Variants in MTUS1 observed in about 807,000 individuals in gnomAD.
MTUS1 encodes the protein microtubule-associated tumor suppressor 1.
In MTUS1, 109 loss-of-function variants were observed where a neutral mutation model predicts 120.8. The ratio of observed to expected loss-of-function variants is 0.90; its 90% CI spans 0.77 to 1.06. The LOEUF (loss-of-function observed/expected upper bound fraction) is 1.06, where lower values mean the gene tolerates loss of function less well. MTUS1 is among the 50% of genes least tolerant of loss of function. MTUS1 has a pLI of 0.00. For synonymous variants in MTUS1, 737 were observed against 550.5 expected (o/e 1.34, Z -4.74); for missense variants, 2,210 against 1,486.3 (o/e 1.49, Z -8.01).
chr8:17,691,040 A>G (rs1816841925), intron 6 of MTUS1, among the ~76,000 whole-genome samples: 1 of 152,228 alleles, frequency 6.6e-6, no homozygotes, highest in Non-Finnish European at 1.5e-5. Context: ...TAACCAGAAT[A>G]AATTGTTCTA....
Position 17,715,864 on chromosome 8 carries a change from A to G in MTUS1, c.2487T>C (p.Pro829=). The G allele has an allele frequency of 4.3e-6, 7 of 1,613,938 alleles. No homozygotes were observed. The highest frequency in any genetic ancestry group is 5.9e-6 in the Non-Finnish European group (7 of 1,179,932). The change falls in exon 5 of 15, where the codon CCT becomes CCC. Residue 829 remains proline (P), a synonymous_variant. Coordinates refer to ENST00000693296, the MANE Select transcript of MTUS1 (RefSeq NM_001363059.2). ...NAAVIKYEEK[P]PKPAFQNGSS... is the part of the protein sequence containing the mutation. The stretch of plus-strand genomic sequence containing the variant: ...AACCATTCTGAAATGCTGGTTTTGG[A>G]GGTTTCTCCTCATATTTGATGACAG...
intron 5 of MTUS1, among the ~76,000 whole-genome samples, chr8:17,715,337 G>A (rs1170772752): frequency 6.6e-6 from 1 of 151,952 alleles, no homozygotes; most frequent in African/African-American, 2.4e-5. Flanking sequence ...AAAAAGTGAG[G>A]GATATGAGAA....
chr8:17,763,892 C>G (rs1349158973), intron 1 of MTUS1, among the ~76,000 whole-genome samples: 2 of 152,146 alleles, frequency 1.3e-5, no homozygotes, highest in Non-Finnish European at 2.9e-5. Flanking sequence ...CCTTCATGTT[C>G]TTATGTGACC....
At chr8:17,734,360 A>C (rs1188630434) in intron 3 of MTUS1, 2 of 152,248 alleles carry the variant, frequency 1.3e-5, no homozygotes, top group Non-Finnish European at 2.9e-5. Flanking sequence ...TCATTTGCTT[A>C]AATTCAAGGG....
chr8:17,708,375 T>A (rs532398071), intron 6 of MTUS1, among the ~76,000 whole-genome samples: 30 of 152,278 alleles, frequency 2.0e-4, no homozygotes, highest in Non-Finnish European at 3.4e-4. Context: ...GCTGTCAGAA[T>A]GCAAATTGAA....
intron 6 of MTUS1, among the ~76,000 whole-genome samples, chr8:17,685,821 T>C (rs985821621): frequency 2.0e-5 from 3 of 152,230 alleles, no homozygotes; most frequent in East Asian, 1.9e-4. Context: ...GTCTCTGTAA[T>C]ACTTGATGAG....
In MTUS1 at chr8:17,754,686, A is replaced by G; in HGVS notation, c.1122T>C (p.Thr374=). 3 of 1,614,220 alleles carry G rather than the reference A, an allele frequency of 1.9e-6. No individual in the cohort carries two copies. Among genetic ancestry groups the G allele is most frequent in the Non-Finnish European group, 2.5e-6 (3 of 1,180,040 alleles). The part of the protein sequence containing the change: ...VLNPEHKVTE[T]EDTQMVSKGK... ...CTTTGGAGACCATTTGTGTGTCTTC[A>G]GTCTCAGTGACTTTATGCTCTGGGT... The change falls in exon 2 of 15, where the codon ACT becomes ACC. Residue 374 remains threonine, a synonymous_variant. Coordinates refer to ENST00000693296, the MANE Select transcript of MTUS1 (RefSeq NM_001363059.2).
intron 4 of MTUS1, among the ~76,000 whole-genome samples, chr8:17,720,759 A>G (rs2045773952): frequency 6.6e-6 from 1 of 152,230 alleles, no homozygotes; most frequent in Non-Finnish European, 1.5e-5. Flanking sequence ...AATGATCTTA[A>G]AAACTGGATA....
intron 2 of MTUS1, among the ~76,000 whole-genome samples, chr8:17,745,682 C>T (rs1032367120): frequency 6.6e-6 from 1 of 152,254 alleles, no homozygotes; most frequent in African/African-American, 2.4e-5. Context: ...AATCCTTCCC[C>T]TGGGGGCTCT....
intron 1 of MTUS1, among the ~76,000 whole-genome samples, chr8:17,799,790 T>G (rs1049420274): frequency 3.3e-5 from 5 of 152,170 alleles, no homozygotes; most frequent in Admixed American, 1.3e-4. Flanking sequence ...AAAGAACAGG[T>G]GAAAAAACGT....
intron 7 of MTUS1, among the ~76,000 whole-genome samples, chr8:17,681,219 C>T (rs1814413458): frequency 1.3e-5 from 2 of 152,162 alleles, no homozygotes; most frequent in African/African-American, 4.8e-5. Flanking sequence ...CAGGTGTGAG[C>T]CACAGCGCCC....
chr8:17,647,813 C>CACTT (rs1320235066), intron 13 of MTUS1, among the ~76,000 whole-genome samples: 1 of 152,224 alleles, frequency 6.6e-6, no homozygotes, highest in Non-Finnish European at 1.5e-5. Context: ...ATCCCCCACT[C>CACTT]ACTTTCTAAA....
At chr8:17,747,862 G>A (rs2047889176) in intron 2 of MTUS1, among the ~76,000 whole-genome samples, 2 of 152,154 alleles carry the variant, frequency 1.3e-5, no homozygotes, top group South Asian at 4.1e-4. Context: ...ATGGCAGAGG[G>A]CAAGGAGGAG....
intron 1 of MTUS1, among the ~76,000 whole-genome samples, chr8:17,798,415 C>G (rs1000260190): frequency 6.6e-6 from 1 of 152,038 alleles, no homozygotes; most frequent in Non-Finnish European, 1.5e-5. Flanking sequence ...TCACTGCAAC[C>G]TCCACCTCCC....
chr8:17,755,192 A>G lies in MTUS1; in HGVS notation c.616T>C (p.Ser206Pro), dbSNP rs756762819. The change falls in exon 2 of 15, where the codon TCC becomes CCC. Residue 206 changes from serine (S) to proline (P), a missense_variant. Physicochemically the swap from Ser to Pro is moderately conservative, Grantham distance 74. Transcript: ENST00000693296. ...RSGSTSSLSY[S>P]TWTSSHSDKT... Reference sequence around the variant, plus strand: ...TCAGAATGGGAAGATGTCCAAGTGGAATAGGATAAAGAAGATGTACTTCCA... The same window carrying G: ...TCAGAATGGGAAGATGTCCAAGTGGGATAGGATAAAGAAGATGTACTTCCA... 2.5e-6 allele frequency: 4 copies of G among 1,614,086 alleles called. No individual in the cohort carries two copies. In the African/African-American group the frequency reaches 5.3e-5, roughly 22 times the overall value.
intron 7 of MTUS1, among the ~76,000 whole-genome samples, chr8:17,680,415 G>C (rs1814131742): frequency 7.3e-6 from 1 of 137,380 alleles, no homozygotes; most frequent in African/African-American, 2.8e-5. Context: ...AGTGAGCTGA[G>C]ATTGCGCCAC....
At chr8:17,707,441 T>G (rs564838314) in intron 6 of MTUS1, among the ~76,000 whole-genome samples, 1 of 151,856 alleles carries the variant, frequency 6.6e-6, no homozygotes, top group Non-Finnish European at 1.5e-5. Flanking sequence ...GAGAAGAACC[T>G]GGGAAAGTCA....
chr8:17,646,314 G>A (rs1215078855), intron 14 of MTUS1, among the ~76,000 whole-genome samples, 175 bp from the exon 15 acceptor site: 6 of 152,308 alleles, frequency 3.9e-5, no homozygotes, highest in East Asian at 1.9e-4. Context: ...CAGGCCGGGC[G>A]TGGTGGCTCA....
intron 6 of MTUS1, chr8:17,697,490 G>T (rs951282178): frequency 6.8e-7 from 1 of 1,468,608 alleles, no homozygotes; most frequent in Non-Finnish European, 9.1e-7. Context: ...TCAGAGGAAA[G>T]ATGCCTACAC....
Sources: gnomAD v4.1 joint callset for allele counts (sites outside exome capture counted in the v4.1 genomes callset) on GRCh38, gnomAD v4.1.1 for gene constraint, MANE v1.5 for transcripts, NCBI Gene and HGNC (gene_info 2026-07-23, HGNC 2026-07-21) for gene names.